Variants in CKAP5 observed in about 807,000 individuals in gnomAD.
CKAP5 encodes the protein cytoskeleton-associated protein 5.
CKAP5 carries 27 observed loss-of-function variants against 232.8 expected under a neutral mutation model. The ratio of observed to expected loss-of-function variants is 0.12; its 90% CI spans 0.09 to 0.16. The LOEUF (loss-of-function observed/expected upper bound fraction) is 0.16. Among genes scored for constraint, CKAP5 ranks in the 10% least tolerant of loss-of-function variants. The pLI, the probability that CKAP5 is intolerant of heterozygous loss-of-function variation, is 1.00. For synonymous variants in CKAP5, 785 were observed against 841.1 expected (o/e 0.93, Z 1.16); for missense variants, 1,838 against 2,424.7 (o/e 0.76, Z 5.08).
chr11:46,745,645 C>G (rs552442116), intron 42 of CKAP5, among the ~76,000 whole-genome samples: 1 of 152,246 alleles, frequency 6.6e-6, no homozygotes, highest in Non-Finnish European at 1.5e-5. Context: ...TCATTAAAGA[C>G]CAGCCTGGGC....
intron 1 of CKAP5, among the ~76,000 whole-genome samples, chr11:46,836,359 TAAAA>T (rs1939918038): frequency 1.3e-5 from 2 of 152,216 alleles, no homozygotes; most frequent in Admixed American, 1.3e-4. Context: ...AGTTTCCTCT[TAAAA>T]AACTAACATT....
intron 4 of CKAP5, among the ~76,000 whole-genome samples, chr11:46,812,289 C>A (rs183830726): frequency 2.6e-5 from 4 of 152,148 alleles, no homozygotes; most frequent in African/African-American, 7.2e-5. Flanking sequence ...CGAGATCGCG[C>A]CACTGCACTC....
chr11:46,834,587 A>G (rs1362508615), intron 1 of CKAP5, among the ~76,000 whole-genome samples: 1 of 151,936 alleles, frequency 6.6e-6, no homozygotes, highest in Non-Finnish European at 1.5e-5. Context: ...AAGTAAGGCA[A>G]GTCCTCTCTG....
In CKAP5 at chr11:46,763,577, C is replaced by G; in HGVS notation, c.3591G>C (p.Lys1197Asn). The change falls in exon 29 of 44, where the codon AAG becomes AAC. Residue 1197 changes from lysine to asparagine, a missense_variant. This residue lies in a region of CKAP5 where 767 missense variants were observed against 954.6 expected (regional missense o/e 0.80). Coordinates refer to ENST00000529230, the MANE Select transcript of CKAP5 (RefSeq NM_001008938.4). ...TAGCCACACAGCTAGACATTTGAGT[C>G]TTTAGTTGCTCAATGTATTCATCCC... ...TPRDEYIEQL[K>N]TQMSSCVAKW... is the part of the protein sequence containing the mutation. The G allele has an allele frequency of 6.3e-7, 1 of 1,598,664 alleles. No individual in the cohort carries two copies.
At chr11:46,765,513 C>T (rs1052910251) in intron 27 of CKAP5, among the ~76,000 whole-genome samples, 1 of 151,436 alleles carries the variant, frequency 6.6e-6, no homozygotes, top group Non-Finnish European at 1.5e-5. Flanking sequence ...ACTGCTATTA[C>T]TGATCATTAG....
At chr11:46,821,558 G>A (rs1311917946) in intron 1 of CKAP5, among the ~76,000 whole-genome samples, 2 of 150,602 alleles carry the variant, frequency 1.3e-5, no homozygotes, top group Non-Finnish European at 1.5e-5. Flanking sequence ...CCGAGTAGCC[G>A]GGACTACAGG....
chr11:46,777,393 C>G, intron 23 of CKAP5, 46 bp downstream of exon 23: 39 of 1,189,966 alleles, frequency 3.3e-5, no homozygotes, highest in Non-Finnish European at 4.8e-5. Flanking sequence ...AAAAATATGG[C>G]TGGCCTATTC....
chr11:46,746,823 G>GATCA (rs1202645801), intron 42 of CKAP5, among the ~76,000 whole-genome samples: 4 of 152,194 alleles, frequency 2.6e-5, no homozygotes, highest in Non-Finnish European at 5.9e-5. Context: ...GTATCATCAG[G>GATCA]TGATAGCAAT....
chr11:46,750,881 G>A (rs1230958705), intron 40 of CKAP5, among the ~76,000 whole-genome samples: 1 of 152,170 alleles, frequency 6.6e-6, no homozygotes, highest in Non-Finnish European at 1.5e-5. Context: ...TATTTATCTG[G>A]TGACCAATGC....
intron 37 of CKAP5, 91 bp downstream of exon 37, chr11:46,753,219 C>T (rs2065083404): frequency 1.0e-6 from 1 of 976,310 alleles, no homozygotes; most frequent in African/African-American, 1.7e-5. Flanking sequence ...TGTTAGGTTG[C>T]CTAGGAAGTT....
At chr11:46,768,045 C>T (rs1365777599) in intron 26 of CKAP5, among the ~76,000 whole-genome samples, 2 of 151,844 alleles carry the variant, frequency 1.3e-5, no homozygotes, top group East Asian at 1.9e-4. Context: ...ATCCACCCAC[C>T]TTGGCTTCCC....
chr11:46,743,894 C>T lies in CKAP5; in HGVS notation c.*129G>A. The T allele has an allele frequency of 8.7e-7, 1 of 1,144,936 alleles. No individual in the cohort carries two copies. The highest frequency in any genetic ancestry group is 1.3e-6 in the Non-Finnish European group (1 of 792,566). The allele number at this position is 1,144,936 out of a possible 1,614,324, so 70.9% of individuals were successfully genotyped here. A position where few individuals can be genotyped will look rare whatever the true frequency, so the allele number is the denominator to read the frequency against. ...AAATACTTGTGCCACAATGACTCCT[C>T]CCCCTAGCTCCACGGCATGATACAT... On this transcript the variant is annotated 3_prime_UTR_variant, in exon 44 of 44. Coordinates refer to ENST00000529230, the MANE Select transcript of CKAP5 (RefSeq NM_001008938.4).
At position 46,801,275 on chromosome 11, in the gene CKAP5, C is replaced by T; in HGVS notation, c.1008G>A (p.Leu336=). 4 of 1,613,686 alleles carry T rather than the reference C, an allele frequency of 2.5e-6. No homozygotes were observed. The highest frequency in any genetic ancestry group is 3.4e-6 in the Non-Finnish European group (4 of 1,179,648). The change falls in exon 9 of 44, where the codon TTG becomes TTA. Residue 336 remains leucine (L), a synonymous_variant. Coordinates refer to ENST00000529230, the MANE Select transcript of CKAP5 (RefSeq NM_001008938.4). The part of the protein sequence containing the change: ...KVVGKDTNVM[L]VALAAKCLTG... ...TAAGACATTTTGCTGCCAAAGCCAC[C>T]AACATGACATTGGTGTCCTTTCCAA...
At chr11:46,758,822 C>T (rs2065131833) in intron 35 of CKAP5, 101 bp downstream of exon 35, 3 of 1,319,364 alleles carry the variant, frequency 2.3e-6, no homozygotes, top group South Asian at 1.5e-5. Context: ...GAAACACTGC[C>T]TGCATCCCCT....
chr11:46,821,624 A>C (rs958203550), intron 1 of CKAP5, among the ~76,000 whole-genome samples: 4 of 151,778 alleles, frequency 2.6e-5, no homozygotes, highest in Non-Finnish European at 5.9e-5. Context: ...ACAGGGCTTC[A>C]CCATGTTAGC....
chr11:46,749,136 T>C (rs561320991), intron 42 of CKAP5, among the ~76,000 whole-genome samples: 60 of 151,748 alleles, frequency 4.0e-4, no homozygotes, highest in Middle Eastern at 3.4e-3. Context: ...GCCAGGACTT[T>C]AGTTTTTGAC....
At chr11:46,792,552 C>CAA (rs111528292) in intron 13 of CKAP5, among the ~76,000 whole-genome samples, 9,119 of 147,622 alleles carry the variant, frequency 0.062, 358 homozygotes, top group Non-Finnish European at 0.091. Flanking sequence ...GACTCTGTCT[C>CAA]AAAAAAAAAC....
chr11:46,841,997 CAAAAAAAA>C (rs3031699), intron 1 of CKAP5, among the ~76,000 whole-genome samples: 17 of 109,418 alleles, frequency 1.6e-4, no homozygotes, highest in South Asian at 5.9e-4. Context: ...GACTTTGGTT[CAAAAAAAA>C]AAAAAAAAAA....
At chr11:46,811,318 G>A (rs1939269600) in intron 4 of CKAP5, 140 bp from the exon 5 acceptor site, 1 of 657,320 alleles carries the variant, frequency 1.5e-6, no homozygotes, top group Non-Finnish European at 2.5e-6. Context: ...GGCAACAAAA[G>A]AAAAGGAACT....
Sources: gnomAD v4.1 joint callset for allele counts (sites outside exome capture counted in the v4.1 genomes callset) on GRCh38, gnomAD v4.1.1 for gene constraint, gnomAD v4.1.1 regional missense constraint, MANE v1.5 for transcripts, NCBI Gene and HGNC (gene_info 2026-07-23, HGNC 2026-07-21) for gene names.